PPP2R1B: variants seen among roughly 807,000 people sequenced by gnomAD.
PPP2R1B encodes the protein protein phosphatase 2 scaffold subunit Abeta.
Under a neutral mutation model 72.7 loss-of-function variants are expected in PPP2R1B, and 58 were observed. The observed-to-expected ratio is 0.80, with a 90% confidence interval of 0.65 to 0.99. PPP2R1B has a LOEUF of 0.99. PPP2R1B is among the 50% of genes least tolerant of loss of function. The pLI, the probability that PPP2R1B is intolerant of heterozygous loss-of-function variation, is 0.00. For missense variants in PPP2R1B, 695 were observed against 733.6 expected, an observed-to-expected ratio of 0.95 and a Z score of 0.61; for synonymous variants, 256 against 264.6, an observed-to-expected ratio of 0.97 and a Z score of 0.32.
chr11:111,689,182 G>A, the PPP2R1B span, among the ~76,000 whole-genome samples: 1 of 152,164 alleles, frequency 6.6e-6, no homozygotes, highest in South Asian at 2.1e-4. Context: ...GATTGATACA[G>A]GGGGAGCAGA....
Position 111,766,348 on chromosome 11 carries a change from G to A in PPP2R1B, c.14C>T (p.Ser5Leu), listed in dbSNP as rs1555053231. 1.2e-6 allele frequency: 2 copies of A among 1,609,056 alleles called. No individual in the cohort carries two copies. The highest frequency in any genetic ancestry group is 1.7e-6 in the Non-Finnish European group (2 of 1,179,032). ...TGCTCCTGGGCCGGTCCCGAGCTCT[G>A]ATGCGCCCGCCATGTTCTTTCTCCT... Reference protein sequence around the residue: MAGASELGTGPGAAG... With the variant: MAGALELGTGPGAAG... Residue 5 changes from serine to leucine, a missense_variant, in exon 1 of 15, where the codon TCA becomes TTA. By Grantham distance (145) the Ser-to-Leu change is moderately radical. Coordinates refer to ENST00000527614, the MANE Select transcript of PPP2R1B (RefSeq NM_002716.5).
intron 15 of PPP2R1B, among the ~76,000 whole-genome samples, chr11:111,732,187 C>T (rs989618412): frequency 3.9e-5 from 6 of 152,342 alleles, no homozygotes; most frequent in East Asian, 3.9e-4. Context: ...CTGTTCCTGG[C>T]GAGCAGCTGC....
At chr11:111,716,591 AAAG>A in the PPP2R1B span, among the ~76,000 whole-genome samples, 43 of 152,266 alleles carry the variant, frequency 2.8e-4, no homozygotes, top group African/African-American at 8.4e-4. Context: ...AAAAAAGAAA[AAAG>A]AAGAAGAAAA....
the PPP2R1B span, chr11:111,705,018 C>G: frequency 6.2e-7 from 1 of 1,608,212 alleles, no homozygotes; most frequent in South Asian, 1.1e-5. This position sits in a 1 kb window ranked among gnomAD's most constrained non-coding sequence, Gnocchi z 4.3. Context: ...AACCACTTTG[C>G]TGCCATTTAT....
rs112418419 is a variant in PPP2R1B, at chr11:111,753,310, T to C, written c.1164+133A>G. ...AACCCCATACCCAAAATCACAGGTGTCATTGGTTTAAAATAAGTTATGATT... is the reference window on the plus strand; with the variant it reads ...AACCCCATACCCAAAATCACAGGTGCCATTGGTTTAAAATAAGTTATGATT... On this transcript the variant is annotated intron_variant, in intron 9 of 14. Coordinates refer to ENST00000527614, the MANE Select transcript of PPP2R1B (RefSeq NM_002716.5). 9 of 1,233,146 alleles carry C rather than the reference T, an allele frequency of 7.3e-6. No individual in the cohort carries two copies. In the African/African-American group the frequency reaches 7.7e-5, roughly 11 times the overall value. The allele number at this position is 1,233,146 out of a possible 1,614,324, so 76.4% of individuals were successfully genotyped here.
At chr11:111,717,456 G>C in the PPP2R1B span, among the ~76,000 whole-genome samples, 2 of 151,892 alleles carry the variant, frequency 1.3e-5, no homozygotes, top group African/African-American at 2.4e-5. Flanking sequence ...ATACTGGCCT[G>C]GTTGCAGAGA....
chr11:111,708,740 C>T, the PPP2R1B span, among the ~76,000 whole-genome samples: 12 of 151,962 alleles, frequency 7.9e-5, no homozygotes, highest in Admixed American at 3.3e-4. Flanking sequence ...CATGCCACCA[C>T]GCCCAGCTAA....
Position 111,752,129 on chromosome 11 carries a change from C to T in PPP2R1B, c.1338+30G>A, listed in dbSNP as rs782180520. The T allele has an allele frequency of 3.7e-5, 58 of 1,571,960 alleles. No homozygotes were observed. In the East Asian group the frequency reaches 1.3e-3, roughly 35 times the overall value. On this transcript the variant is annotated intron_variant, in intron 10 of 14. Transcript: ENST00000527614. ...GTAAATTGTCACTATCTGACACTACCCTGCAGTTCATGGAGCAACACATAC... is the reference window on the plus strand; with the variant it reads ...GTAAATTGTCACTATCTGACACTACTCTGCAGTTCATGGAGCAACACATAC...
At chr11:111,731,387 C>A (rs1482225321) in intron 15 of PPP2R1B, among the ~76,000 whole-genome samples, 3 of 151,790 alleles carry the variant, frequency 2.0e-5, no homozygotes, top group African/African-American at 7.3e-5. Context: ...CACGTGCGCT[C>A]ACACAGTGCA....
chr11:111,721,042 C>G, the PPP2R1B span: 1 of 1,613,704 alleles, frequency 6.2e-7, no homozygotes, highest in Non-Finnish European at 8.5e-7. Flanking sequence ...GCTCCAGGAC[C>G]TTGCTAGCAG....
chr11:111,712,352 G>C, the PPP2R1B span: 2 of 1,614,164 alleles, frequency 1.2e-6, no homozygotes, highest in Non-Finnish European at 1.7e-6. Flanking sequence ...ATTCATGGAA[G>C]AAGAGTGTGT....
chr11:111,710,184 A>G, the PPP2R1B span, among the ~76,000 whole-genome samples: 1 of 152,242 alleles, frequency 6.6e-6, no homozygotes, highest in Non-Finnish European at 1.5e-5. Context: ...ACTAGATAAA[A>G]ATTTTACATA....
At chr11:111,755,199 C>G in intron 6 of PPP2R1B, 96 bp downstream of exon 6, 1 of 1,534,258 alleles carries the variant, frequency 6.5e-7, no homozygotes, top group Non-Finnish European at 8.8e-7. Context: ...CACAGCACTT[C>G]CCATTGAAAA....
chr11:111,737,501 C>A, downstream of PPP2R1B: 1 of 1,614,226 alleles, frequency 6.2e-7, no homozygotes, highest in Non-Finnish European at 8.5e-7. Flanking sequence ...TTCTTGTCAG[C>A]CCGAGGGACA....
At chr11:111,724,731 A>G (rs1943915470), downstream of PPP2R1B, 2 of 153,856 alleles carry the variant, frequency 1.3e-5, no homozygotes, top group South Asian at 2.0e-4. Context: ...GGGCCACTAA[A>G]TAACAGCTGG....
At chr11:111,726,910 A>G in exon 16 of PPP2R1B, 2 of 1,572,792 alleles carry the variant, frequency 1.3e-6, no homozygotes, top group Non-Finnish European at 1.7e-6. Flanking sequence ...GTTCGGCAAA[A>G]AGTGCAATAT....
Position 111,755,411 on chromosome 11 carries a change from T to C in PPP2R1B, c.727A>G (p.Ile243Val), listed in dbSNP as rs1945069013. 4 of 1,610,722 alleles carry C rather than the reference T, an allele frequency of 2.5e-6. No homozygotes were observed. The highest frequency in any genetic ancestry group is 3.4e-6 in the Non-Finnish European group (4 of 1,179,246). Residue 243 changes from isoleucine (I) to valine (V), a missense_variant, in exon 6 of 15, where the codon ATT becomes GTT. Transcript: ENST00000527614. ...TCATCCTGAGACAATAACTGGGCAA[T>C]ACTGACACAAGCTTCCACAGCAAGG... ...RLLAVEACVS[I>V]AQLLSQDDLE...
At chr11:111,720,564 T>C in the PPP2R1B span, 1 of 1,614,170 alleles carries the variant, frequency 6.2e-7, no homozygotes, top group Non-Finnish European at 8.5e-7. Flanking sequence ...GGACCTGAAC[T>C]TTCTGGAAGA....
At chr11:111,758,660 A>C (rs547262625) in intron 5 of PPP2R1B, among the ~76,000 whole-genome samples, 79 of 149,906 alleles carry the variant, frequency 5.3e-4, no homozygotes, top group African/African-American at 2.0e-3. Context: ...AGTCAGGATA[A>C]TGTTACTCTT....
Sources: gnomAD v4.1 joint callset for allele counts (sites outside exome capture counted in the v4.1 genomes callset) on GRCh38, gnomAD v4.1.1 for gene constraint, Gnocchi (gnomAD v3.1) non-coding constraint, MANE v1.5 for transcripts, NCBI Gene and HGNC (gene_info 2026-07-23, HGNC 2026-07-21) for gene names.